The following LOC128092252 variants were observed in gnomAD, a reference collection of about 807,000 sequenced individuals.
chr15:50,685,398 A>C, the LOC128092252 span, among the ~76,000 whole-genome samples: 1 of 152,254 alleles, frequency 6.6e-6, no homozygotes, highest in African/African-American at 2.4e-5. Flanking sequence ...CGGATGTTGC[A>C]GTGAGCGGAG....
the LOC128092252 span, among the ~76,000 whole-genome samples, chr15:50,651,904 T>A: frequency 1.3e-5 from 2 of 151,216 alleles, no homozygotes; most frequent in Admixed American, 1.3e-4. Context: ...ATAAATACAA[T>A]AAATAAATAA....
the LOC128092252 span, among the ~76,000 whole-genome samples, chr15:50,649,691 T>C: frequency 2.0e-5 from 3 of 152,176 alleles, no homozygotes; most frequent in African/African-American, 7.2e-5. Flanking sequence ...GATGGCTTTC[T>C]ACCCAGAAGC....
At chr15:50,659,675 C>CTT in the LOC128092252 span, among the ~76,000 whole-genome samples, 346 of 149,008 alleles carry the variant, frequency 2.3e-3, 12 homozygotes, top group South Asian at 0.061. Context: ...TCTATTTTTT[C>CTT]TTTTTTTTTT....
chr15:50,651,428 G>A, the LOC128092252 span, among the ~76,000 whole-genome samples: 1 of 150,992 alleles, frequency 6.6e-6, no homozygotes, highest in South Asian at 2.1e-4. Context: ...GGTGGATCAC[G>A]AGGTCAGGAG....
chr15:50,672,656 C>A, the LOC128092252 span, among the ~76,000 whole-genome samples: 1 of 151,512 alleles, frequency 6.6e-6, no homozygotes, highest in South Asian at 2.1e-4. Flanking sequence ...ACGCCTGTAA[C>A]CCCAGCACTT....
At chr15:50,671,183 T>C in the LOC128092252 span, among the ~76,000 whole-genome samples, 2 of 152,130 alleles carry the variant, frequency 1.3e-5, no homozygotes, top group Non-Finnish European at 2.9e-5. Flanking sequence ...TTTGCATCCT[T>C]TGACCAACAT....
the LOC128092252 span, among the ~76,000 whole-genome samples, chr15:50,679,821 C>G: frequency 6.6e-6 from 1 of 151,952 alleles, no homozygotes; most frequent in Non-Finnish European, 1.5e-5. Flanking sequence ...AGGCAAGAGC[C>G]ACCATGCCCA....
the LOC128092252 span, among the ~76,000 whole-genome samples, chr15:50,681,264 T>TAC: frequency 0.054 from 7,979 of 146,810 alleles, 220 homozygotes; most frequent in African/African-American, 0.064. Context: ...AATAAATAAA[T>TAC]ACACACACAC....
the LOC128092252 span, among the ~76,000 whole-genome samples, chr15:50,660,962 A>C: frequency 6.6e-6 from 1 of 151,942 alleles, no homozygotes; most frequent in Non-Finnish European, 1.5e-5. Flanking sequence ...CAATAACAGA[A>C]TATTAACTAC....
the LOC128092252 span, among the ~76,000 whole-genome samples, chr15:50,686,185 T>C: frequency 5.3e-5 from 8 of 152,208 alleles, no homozygotes; most frequent in Admixed American, 5.2e-4. Context: ...GCGGAGCTTG[T>C]AGGCTGAGCC....
chr15:50,667,435 G>A, the LOC128092252 span, among the ~76,000 whole-genome samples: 6 of 152,356 alleles, frequency 3.9e-5, no homozygotes, highest in African/African-American at 1.4e-4. Context: ...GCCGGGCACA[G>A]TGGTTCACGC....
At chr15:50,665,394 A>T in the LOC128092252 span, among the ~76,000 whole-genome samples, 10 of 66,674 alleles carry the variant, frequency 1.5e-4, no homozygotes, top group Non-Finnish European at 4.4e-4. Flanking sequence ...AACTCTGTCT[A>T]AAAAAAAAAA....
At chr15:50,650,746 A>T in the LOC128092252 span, among the ~76,000 whole-genome samples, 13 of 152,286 alleles carry the variant, frequency 8.5e-5, no homozygotes, top group Admixed American at 5.9e-4. Flanking sequence ...CCATGCCCTG[A>T]CAAAGTTTAA....
chr15:50,679,879 T>C, the LOC128092252 span, among the ~76,000 whole-genome samples: 91 of 152,164 alleles, frequency 6.0e-4, no homozygotes, highest in African/African-American at 2.0e-3. Context: ...TCCAGAAATC[T>C]ATTTAATGAC....
chr15:50,654,613 T>C, the LOC128092252 span, among the ~76,000 whole-genome samples: 1 of 151,208 alleles, frequency 6.6e-6, no homozygotes, highest in Non-Finnish European at 1.5e-5. Context: ...ATAATGAGAG[T>C]GCACATGGTG....
chr15:50,686,071 C>T, the LOC128092252 span, among the ~76,000 whole-genome samples: 33 of 152,300 alleles, frequency 2.2e-4, 1 homozygote, highest in East Asian at 6.2e-3. Context: ...CTTTTTGCAC[C>T]CTTCTAGCCC....
the LOC128092252 span, among the ~76,000 whole-genome samples, chr15:50,660,916 C>A: frequency 6.6e-6 from 1 of 151,798 alleles, no homozygotes; most frequent in Admixed American, 6.6e-5. Flanking sequence ...ACTAAATTGA[C>A]CAATAGTAGA....
At chr15:50,658,523 T>G in the LOC128092252 span, among the ~76,000 whole-genome samples, 1 of 149,514 alleles carries the variant, frequency 6.7e-6, no homozygotes, top group African/African-American at 2.5e-5. Flanking sequence ...TGAGCCATGA[T>G]CATGCCCCAC....
the LOC128092252 span, among the ~76,000 whole-genome samples, chr15:50,658,006 T>C: frequency 1.0e-5 from 1 of 96,174 alleles, no homozygotes; most frequent in Non-Finnish European, 2.6e-5. Flanking sequence ...ACAGTCTCAA[T>C]TTTTTTTTTT....
Sources: gnomAD v4.1 joint callset for allele counts (sites outside exome capture counted in the v4.1 genomes callset) on GRCh38, gnomAD v4.1.1 for gene constraint, MANE v1.5 for transcripts.